PLG: variants seen among roughly 807,000 people sequenced by gnomAD.
The protein encoded by PLG is plasmin.
In PLG, 41 loss-of-function variants were observed where a neutral mutation model predicts 104.4. The ratio of observed to expected loss-of-function variants is 0.39; its 90% CI spans 0.31 to 0.51. The LOEUF is 0.51. Ranked by LOEUF, PLG falls within the 20% of genes least tolerant of loss-of-function variation. PLG has a pLI of 0.76. For missense variants in PLG, 891 were observed against 1,003.6 expected, an observed-to-expected ratio of 0.89 and a Z score of 1.52; for synonymous variants, 337 against 357.1, an observed-to-expected ratio of 0.94 and a Z score of 0.63.
At chr6:160,750,050 C>G (rs560972666) in intron 17 of PLG, among the ~76,000 whole-genome samples, 15 of 152,360 alleles carry the variant, frequency 9.8e-5, no homozygotes, top group African/African-American at 3.6e-4. Context: ...CTCAGGCCTG[C>G]TCCTCAATTT....
At chr6:160,750,356 C>T (rs1262244430) in intron 17 of PLG, among the ~76,000 whole-genome samples, 1 of 152,220 alleles carries the variant, frequency 6.6e-6, no homozygotes, top group Non-Finnish European at 1.5e-5. Context: ...GCCATCTCTA[C>T]ATCTACCACT....
intron 6 of PLG, among the ~76,000 whole-genome samples, chr6:160,715,262 G>A (rs9295131): frequency 0.58 from 88,769 of 152,010 alleles, 27,191 homozygotes; most frequent in Non-Finnish European, 0.7. Context: ...CTTCAGAAAT[G>A]CACACACACA....
rs1276953491 is a variant in PLG at position 160,724,467 on chromosome 6, T to A, written c.1256+1900T>A. Among the ~76,000 whole-genome samples the A allele has an allele frequency of 6.6e-6, 1 of 151,948 alleles. No homozygotes were observed. Among genetic ancestry groups the A allele is most frequent in the East Asian group, 1.9e-4 (1 of 5,192 alleles). ...ATAAAGAAACAGAGCCTCAAGAATA[T>A]CTATGAAAATATCAAAAGATTTCAT... On this transcript the variant is annotated intron_variant, in intron 10 of 18. Transcript: ENST00000308192. This position sits in a 1 kb window ranked among gnomAD's most constrained non-coding sequence, Gnocchi z 5.0.
rs1367687274 is a variant in PLG, at chr6:160,731,472, C to T, written c.1438+240C>T. Among the ~76,000 whole-genome samples, 1 of 152,182 alleles carries T rather than the reference C, an allele frequency of 6.6e-6. No individual in the cohort carries two copies. Among genetic ancestry groups the T allele is most frequent in the Non-Finnish European group, 1.5e-5 (1 of 68,030 alleles). ...AAACCCTCCAAGGTGCTCAACTTAA[C>T]CACTCACCTTGTTCTAAAATGGGTT... On this transcript the variant is annotated intron_variant, in intron 11 of 18. Transcript: ENST00000308192. This position sits in a 1 kb window ranked among gnomAD's most constrained non-coding sequence, Gnocchi z 5.1.
intron 10 of PLG, among the ~76,000 whole-genome samples, chr6:160,722,865 T>G (rs761738103): frequency 1.4e-4 from 21 of 152,104 alleles, no homozygotes; most frequent in Non-Finnish European, 2.2e-4. Context: ...AACAGTACCA[T>G]TCCACAATGC....
At chr6:160,751,025 T>A (rs1357478777) in intron 17 of PLG, among the ~76,000 whole-genome samples, 1 of 152,174 alleles carries the variant, frequency 6.6e-6, no homozygotes, top group Non-Finnish European at 1.5e-5. Flanking sequence ...AGAAAATGAA[T>A]CAGGACAATT....
chr6:160,704,906 A>G (rs991361460), intron 1 of PLG, among the ~76,000 whole-genome samples: 6 of 152,108 alleles, frequency 3.9e-5, no homozygotes, highest in Non-Finnish European at 8.8e-5. Context: ...TTGCTTTCCT[A>G]CTGGATACTT....
Position 160,714,859 on chromosome 6 carries a change from G to C in PLG, c.613G>C (p.Glu205Gln), listed in dbSNP as rs1303446376. The C allele has an allele frequency of 5.0e-6, 8 of 1,613,106 alleles. No individual in the cohort carries two copies. Among genetic ancestry groups the C allele is most frequent in the Non-Finnish European group, 6.8e-6 (8 of 1,179,204 alleles). The change falls in exon 6 of 19, where the codon GAA (glutamate) becomes CAA (glutamine). Residue 205 changes from glutamate (E) to glutamine (Q), a missense_variant. Glu to Gln is a conservative substitution (Grantham distance 29). Transcript: ENST00000308192. Reference sequence around the variant, plus strand: ...AATTTCCAAGACCATGTCTGGACTGGAATGCCAGGCCTGGGACTCTCAGAG... The same window carrying C: ...AATTTCCAAGACCATGTCTGGACTGCAATGCCAGGCCTGGGACTCTCAGAG... Reference protein sequence around the residue: ...GKISKTMSGLECQAWDSQSPH... With the variant: ...GKISKTMSGLQCQAWDSQSPH...
intron 17 of PLG, among the ~76,000 whole-genome samples, chr6:160,748,077 C>G (rs1288632396): frequency 6.6e-6 from 1 of 151,856 alleles, no homozygotes; most frequent in Non-Finnish European, 1.5e-5. Context: ...GAGGCCGAGG[C>G]AGGCAGACCA....
chr6:160,706,840 A>G (rs1419431155), intron 2 of PLG, among the ~76,000 whole-genome samples: 1 of 152,134 alleles, frequency 6.6e-6, no homozygotes, highest in Non-Finnish European at 1.5e-5. Flanking sequence ...TTTGTTGAGG[A>G]TCAGGTGAAT....
chr6:160,710,173 T>C (rs1426236453), intron 3 of PLG, among the ~76,000 whole-genome samples: 2 of 152,234 alleles, frequency 1.3e-5, no homozygotes, highest in African/African-American at 4.8e-5. Flanking sequence ...GTCAACTATA[T>C]GAGTGGATTG....
intron 10 of PLG, among the ~76,000 whole-genome samples, chr6:160,730,290 C>T (rs970232531): frequency 1.1e-4 from 16 of 152,338 alleles, no homozygotes; most frequent in African/African-American, 3.8e-4. Flanking sequence ...AACTCATCCC[C>T]CATTCCCTCA....
chr6:160,750,470 G>A (rs923327418), intron 17 of PLG, among the ~76,000 whole-genome samples: 3 of 152,228 alleles, frequency 2.0e-5, no homozygotes, highest in Non-Finnish European at 4.4e-5. Context: ...AGATCCCAGA[G>A]CAGTGACACC....
chr6:160,732,828 G>A lies in PLG; in HGVS notation c.1587+935G>A, dbSNP rs915495212. Reference sequence around the variant, plus strand: ...TGCCCTCTCCAGTGCACCAGCCCCCGGTACCCCAAGTGTTCAGCAACCCAG... The same window carrying A: ...TGCCCTCTCCAGTGCACCAGCCCCCAGTACCCCAAGTGTTCAGCAACCCAG... On this transcript the variant is annotated intron_variant, in intron 12 of 18. Coordinates refer to ENST00000308192, the MANE Select transcript of PLG (RefSeq NM_000301.5). The surrounding 1 kb of genome is among the most constrained non-coding windows in gnomAD (Gnocchi z 4.5). 7.2e-5 allele frequency among the ~76,000 whole-genome samples: 11 copies of A among 152,218 alleles called. No individual in the cohort carries two copies. The highest frequency in any genetic ancestry group is 1.0e-4 in the Non-Finnish European group (7 of 68,002).
At chr6:160,707,570 A>G in intron 2 of PLG, 130 bp from the exon 3 acceptor site, 1 of 937,038 alleles carries the variant, frequency 1.1e-6, no homozygotes, top group Admixed American at 1.8e-5. Flanking sequence ...TAACTGAAAG[A>G]GGCAGCAATT....
chr6:160,722,285 C>CT, intron 9 of PLG, 123 bp from the exon 10 acceptor site: 1 of 683,364 alleles, frequency 1.5e-6, no homozygotes, highest in South Asian at 1.7e-5. Context: ...AATCTGTCTG[C>CT]TAATACAGAA....
In PLG at chr6:160,738,285, C is replaced by T. The variant is rs1778122288; in HGVS notation, c.1803-253C>T. ...CTTCATGCGGAGTTACTTAGCTTTG[C>T]TCTCCTGTGGACAGGCCATGCCTGT... On this transcript the variant is annotated intron_variant, in intron 14 of 18. Coordinates refer to ENST00000308192, the MANE Select transcript of PLG (RefSeq NM_000301.5). The surrounding 1 kb of genome is among the most constrained non-coding windows in gnomAD (Gnocchi z 6.8). 1 of 491,158 alleles carries T rather than the reference C, an allele frequency of 2.0e-6. No homozygotes were observed. The highest frequency in any genetic ancestry group is 3.7e-6 in the Non-Finnish European group (1 of 267,698). The allele number at this position is 491,158 out of a possible 1,614,324, so 30.4% of individuals were successfully genotyped here. A position where few individuals can be genotyped will look rare whatever the true frequency, so the allele number is the denominator to read the frequency against.
intron 7 of PLG, among the ~76,000 whole-genome samples, chr6:160,717,684 G>A (rs534010883): frequency 2.0e-5 from 3 of 152,052 alleles, no homozygotes; most frequent in Non-Finnish European, 4.4e-5. Flanking sequence ...GTGAGAATTC[G>A]GGGTGTGAGG....
rs888345954 is a variant in PLG, at chr6:160,736,283, G to A, written c.1682-604G>A. Reference sequence around the variant, plus strand: ...ATATGTTTAAGTCACCCCCACGGCCGTTGGTTAGTCATGGGAGGCTCCCCA... The same window carrying A: ...ATATGTTTAAGTCACCCCCACGGCCATTGGTTAGTCATGGGAGGCTCCCCA... On this transcript the variant is annotated intron_variant, in intron 13 of 18. Transcript: ENST00000308192. This position sits in a 1 kb window ranked among gnomAD's most constrained non-coding sequence, Gnocchi z 5.2. 7.9e-5 allele frequency among the ~76,000 whole-genome samples: 12 copies of A among 152,198 alleles called. No homozygotes were observed. The highest frequency in any genetic ancestry group is 1.4e-4 in the African/African-American group (6 of 41,452).
Sources: allele counts gnomAD v4.1 joint callset (sites outside exome capture counted in the v4.1 genomes callset), GRCh38; gene constraint gnomAD v4.1.1; non-coding constraint Gnocchi (gnomAD v3.1); transcripts MANE v1.5; gene names NCBI Gene and HGNC (gene_info 2026-07-23, HGNC 2026-07-21).